The following ANAPC10 variants were observed in gnomAD, a reference collection of about 807,000 sequenced individuals.
ANAPC10 encodes the protein anaphase-promoting complex subunit 10.
Under a neutral mutation model 22.0 loss-of-function variants are expected in ANAPC10, and 12 were observed. That is an observed-to-expected ratio of 0.55 (90% CI 0.35 to 0.88). The LOEUF (loss-of-function observed/expected upper bound fraction) is 0.88, where lower values mean the gene tolerates loss of function less well. Among genes scored for constraint, ANAPC10 ranks in the 40% least tolerant of loss-of-function variants. The pLI is 0.01. For synonymous variants in ANAPC10, 65 were observed against 69.5 expected, an observed-to-expected ratio of 0.94 and a Z score of 0.32; for missense variants, 188 against 220.9, an observed-to-expected ratio of 0.85 and a Z score of 0.94.
intron 4 of ANAPC10, among the ~76,000 whole-genome samples, chr4:145,035,981 C>T (rs1431370654): frequency 6.6e-6 from 1 of 152,074 alleles, no homozygotes; most frequent in African/African-American, 2.4e-5. Flanking sequence ...TTACGTATTG[C>T]TGTTTCAAGA....
At chr4:145,093,213 A>G (rs1747952957) in intron 2 of ANAPC10, among the ~76,000 whole-genome samples, 1 of 152,174 alleles carries the variant, frequency 6.6e-6, no homozygotes, top group African/African-American at 2.4e-5. Context: ...AAATAAGAAA[A>G]TGTCTCTGGC....
intron 4 of ANAPC10, among the ~76,000 whole-genome samples, chr4:145,012,266 A>G (rs530455551): frequency 6.6e-6 from 1 of 150,790 alleles, no homozygotes; most frequent in South Asian, 2.1e-4. Context: ...GAAATGAGTG[A>G]TATTAAATTT....
At chr4:145,095,899 T>A in intron 2 of ANAPC10, 86 bp downstream of exon 2, 1 of 1,558,754 alleles carries the variant, frequency 6.4e-7, no homozygotes, top group East Asian at 2.2e-5. Flanking sequence ...AGTCCTGGAA[T>A]GTATCCCCTG....
intron 3 of ANAPC10, among the ~76,000 whole-genome samples, chr4:145,066,973 T>C (rs921088623): frequency 3.9e-5 from 6 of 152,176 alleles, no homozygotes. Context: ...CTGTAGTTTT[T>C]TAAATTTTTT....
chr4:145,039,342 A>G (rs1307444592), intron 4 of ANAPC10, among the ~76,000 whole-genome samples: 1 of 152,250 alleles, frequency 6.6e-6, no homozygotes, highest in Non-Finnish European at 1.5e-5. Flanking sequence ...TATAATCTAA[A>G]TATGCTTTGT....
intron 4 of ANAPC10, among the ~76,000 whole-genome samples, chr4:145,009,221 T>C (rs1279265976): frequency 6.6e-6 from 1 of 152,014 alleles, no homozygotes; most frequent in Non-Finnish European, 1.5e-5. Context: ...TGCTCATGGA[T>C]AGGAAGAATC....
chr4:145,010,824 A>C (rs1285978118), intron 4 of ANAPC10, among the ~76,000 whole-genome samples: 2 of 152,142 alleles, frequency 1.3e-5, no homozygotes, highest in Non-Finnish European at 2.9e-5. Flanking sequence ...AAAATATAAT[A>C]AAAAATAAAT....
At chr4:144,997,663 C>T (rs1356319174) in intron 4 of ANAPC10, among the ~76,000 whole-genome samples, 1 of 152,210 alleles carries the variant, frequency 6.6e-6, no homozygotes, top group Non-Finnish European at 1.5e-5. Context: ...TAGGAAGAAA[C>T]TGCATCAACT....
chr4:145,036,928 G>A (rs1027567527), intron 4 of ANAPC10, among the ~76,000 whole-genome samples: 16 of 151,864 alleles, frequency 1.1e-4, no homozygotes, highest in African/African-American at 3.6e-4. Flanking sequence ...TCCCTAAAGG[G>A]TAGGGGAAGG....
At chr4:145,069,500 G>T (rs1416287975) in intron 3 of ANAPC10, among the ~76,000 whole-genome samples, 1 of 152,212 alleles carries the variant, frequency 6.6e-6, no homozygotes, top group African/African-American at 2.4e-5. Context: ...ACAATTTCCA[G>T]TGGGCACAGA....
intron 4 of ANAPC10, among the ~76,000 whole-genome samples, chr4:145,010,844 G>C (rs192046040): frequency 5.7e-4 from 87 of 151,686 alleles, no homozygotes; most frequent in Admixed American, 9.2e-4. Context: ...TAAATAAATC[G>C]CTTGATCTTT....
intron 4 of ANAPC10, among the ~76,000 whole-genome samples, chr4:145,025,339 C>T (rs535427217): frequency 6.7e-6 from 1 of 150,286 alleles, no homozygotes; most frequent in Admixed American, 6.6e-5. Flanking sequence ...CACGCCCCCC[C>T]CCCCTTTTAA....
chr4:145,094,556 AGGAT>A (rs747600723), intron 2 of ANAPC10, among the ~76,000 whole-genome samples: 22 of 152,324 alleles, frequency 1.4e-4, no homozygotes, highest in Admixed American at 2.0e-4. Context: ...CTTGGTTGAG[AGGAT>A]GGATACAGGA....
intron 4 of ANAPC10, among the ~76,000 whole-genome samples, chr4:145,046,856 T>C (rs1025547191): frequency 1.3e-5 from 2 of 152,096 alleles, no homozygotes; most frequent in African/African-American, 4.8e-5. Context: ...CCTATCCATT[T>C]TCCATAACTT....
intron 4 of ANAPC10, among the ~76,000 whole-genome samples, chr4:145,004,696 C>G (rs773123716): frequency 1.1e-4 from 16 of 152,192 alleles, no homozygotes; most frequent in Middle Eastern, 3.4e-3. Context: ...GGATGAAGCC[C>G]ACTTGATGTT....
intron 3 of ANAPC10, among the ~76,000 whole-genome samples, chr4:145,067,562 TA>T (rs1372570796): frequency 6.6e-6 from 1 of 152,198 alleles, no homozygotes; most frequent in Non-Finnish European, 1.5e-5. Flanking sequence ...ACTGGATGGG[TA>T]AGACTGTTTA....
intron 4 of ANAPC10, among the ~76,000 whole-genome samples, chr4:145,027,767 T>A (rs1208749574): frequency 2.6e-5 from 4 of 152,286 alleles, no homozygotes; most frequent in African/African-American, 9.6e-5. Context: ...CCTAGCCAAA[T>A]CATCCCTTGA....
chr4:145,047,696 G>A lies in ANAPC10; in HGVS notation c.327+16876C>T, dbSNP rs140504965. Among the ~76,000 whole-genome samples, 358 of 152,020 alleles carry A rather than the reference G, an allele frequency of 2.4e-3. 1 individual carries two copies. Among genetic ancestry groups the A allele is most frequent in the African/African-American group, 8.4e-3 (348 of 41,470 alleles). ...TTCACAATAAGTTTCTTAAAGTCAG[G>A]AACACTTCTCAATGCCTTTCATTAA... On this transcript the variant is annotated intron_variant, in intron 4 of 4. Coordinates refer to ENST00000507656, the MANE Select transcript of ANAPC10 (RefSeq NM_001256706.2).
intron 4 of ANAPC10, among the ~76,000 whole-genome samples, chr4:145,008,217 C>T (rs1360387995): frequency 6.6e-6 from 1 of 152,122 alleles, no homozygotes. Flanking sequence ...CAAAACAAGT[C>T]CAGGACCAGA....
Sources: allele counts gnomAD v4.1 joint callset (sites outside exome capture counted in the v4.1 genomes callset), GRCh38; gene constraint gnomAD v4.1.1; transcripts MANE v1.5; gene names NCBI Gene and HGNC (gene_info 2026-07-23, HGNC 2026-07-21).